The following CARMIL1 variants were observed in gnomAD, a reference collection of about 807,000 sequenced individuals.
The protein encoded by CARMIL1 is capping protein regulator and myosin 1 linker 1, also known as F-actin-uncapping protein LRRC16A.
A neutral mutation model predicts 177.1 loss-of-function variants in CARMIL1; 90 were observed. That is an observed-to-expected ratio of 0.51 (90% CI 0.43 to 0.61). The LOEUF is 0.61. Ranked by LOEUF, CARMIL1 falls within the 20% of genes least tolerant of loss-of-function variation. The pLI is 0.00. For synonymous variants in CARMIL1, 577 were observed against 606.2 expected (o/e 0.95, Z 0.71); for missense variants, 1,380 against 1,667.0 (o/e 0.83, Z 3.00).
chr6:25,336,769 G>C (rs1581606765), intron 2 of CARMIL1, among the ~76,000 whole-genome samples: 1 of 152,138 alleles, frequency 6.6e-6, no homozygotes, highest in Non-Finnish European at 1.5e-5. Context: ...AAACAAAAAA[G>C]TCAGGAAACA....
intron 22 of CARMIL1, among the ~76,000 whole-genome samples, chr6:25,517,760 G>A (rs1294021110): frequency 4.6e-5 from 7 of 151,234 alleles, no homozygotes; most frequent in Non-Finnish European, 1.5e-5. Context: ...ACTAGGTCTT[G>A]TTCTTTTTCC....
intron 5 of CARMIL1, among the ~76,000 whole-genome samples, chr6:25,446,839 T>C (rs552699095): frequency 3.3e-5 from 5 of 152,312 alleles, no homozygotes; most frequent in African/African-American, 1.2e-4. Flanking sequence ...GGGTTATTAA[T>C]TGGCCTAATT....
chr6:25,293,551 T>G (rs1782156737), intron 2 of CARMIL1, among the ~76,000 whole-genome samples: 1 of 151,766 alleles, frequency 6.6e-6, no homozygotes, highest in African/African-American at 2.4e-5. Flanking sequence ...TGCCGAATTT[T>G]TTTTTTTCCT....
intron 2 of CARMIL1, among the ~76,000 whole-genome samples, chr6:25,305,545 G>C (rs1671966263): frequency 1.3e-5 from 2 of 152,176 alleles, no homozygotes; most frequent in Admixed American, 1.3e-4. Flanking sequence ...GCAAGTTGAG[G>C]AGGCAGTTAA....
intron 2 of CARMIL1, among the ~76,000 whole-genome samples, chr6:25,399,747 G>A (rs1194854743): frequency 2.6e-5 from 4 of 152,222 alleles, no homozygotes; most frequent in Admixed American, 6.5e-5. Flanking sequence ...TCCAATTTCA[G>A]TTGCTTTACT....
At chr6:25,347,729 A>G (rs904765140) in intron 2 of CARMIL1, among the ~76,000 whole-genome samples, 14 of 152,250 alleles carry the variant, frequency 9.2e-5, no homozygotes, top group African/African-American at 3.4e-4. Flanking sequence ...TAAATGGATT[A>G]AAACTGAGAA....
chr6:25,615,922 A>G (rs1312442498), intron 36 of CARMIL1, among the ~76,000 whole-genome samples: 1 of 152,200 alleles, frequency 6.6e-6, no homozygotes, highest in Non-Finnish European at 1.5e-5. Flanking sequence ...TATCACATAT[A>G]TGCAATGTCA....
chr6:25,510,721 G>C lies in CARMIL1; in HGVS notation c.1591G>C (p.Val531Leu). ...NNMKSKNLTPVLDNLVQMIQD... is the reference protein window; with the variant it reads ...NNMKSKNLTPLLDNLVQMIQD... The stretch of plus-strand genomic sequence containing the variant: ...AAATCTCTTTAGAAATCTGACACCT[G>C]TATTGGACAACTTAGTACAGATGAT... Residue 531 changes from valine to leucine, a missense_variant, in exon 20 of 37, where the codon GTA becomes CTA. Coordinates refer to ENST00000329474, the MANE Select transcript of CARMIL1 (RefSeq NM_017640.6). 1 of 1,548,906 alleles carries C rather than the reference G, an allele frequency of 6.5e-7. No individual in the cohort carries two copies. The highest frequency in any genetic ancestry group is 8.7e-7 in the Non-Finnish European group (1 of 1,143,076).
chr6:25,317,390 C>G lies in CARMIL1; in HGVS notation c.138+32481C>G, dbSNP rs527395616. 2.0e-5 allele frequency among the ~76,000 whole-genome samples: 3 copies of G among 152,172 alleles called. No individual in the cohort carries two copies. The South Asian group carries it at 6.2e-4, about 32-fold the overall frequency. Reference sequence around the variant, plus strand: ...CAAGCAATCCTTCTGCCTTGACCTCCCAAAGTCTCAAAGTGTTGGGATTAC... The same window carrying G: ...CAAGCAATCCTTCTGCCTTGACCTCGCAAAGTCTCAAAGTGTTGGGATTAC... On this transcript the variant is annotated intron_variant, in intron 2 of 36. Transcript: ENST00000329474.
At chr6:25,579,223 T>C (rs758674788) in intron 29 of CARMIL1, among the ~76,000 whole-genome samples, 26 of 148,622 alleles carry the variant, frequency 1.7e-4, no homozygotes, top group Non-Finnish European at 3.6e-4. Context: ...TTTTTGCCTA[T>C]GAATACACTT....
chr6:25,396,833 T>C (rs993722505), intron 2 of CARMIL1, among the ~76,000 whole-genome samples: 2 of 152,168 alleles, frequency 1.3e-5, no homozygotes. Context: ...CATGCAGAGA[T>C]GCGGAAATGG....
At chr6:25,478,751 G>A (rs1410009480) in intron 11 of CARMIL1, among the ~76,000 whole-genome samples, 2 of 151,718 alleles carry the variant, frequency 1.3e-5, no homozygotes, top group African/African-American at 2.4e-5. Flanking sequence ...AGCCGAGATC[G>A]CGCCTCTGCA....
intron 33 of CARMIL1, 116 bp downstream of exon 33, chr6:25,600,862 C>G: frequency 2.1e-6 from 2 of 939,354 alleles, no homozygotes; most frequent in Non-Finnish European, 3.1e-6. Context: ...ATTTAACTTT[C>G]CTTTATGCTG....
At chr6:25,320,924 A>G (rs1370259111) in intron 2 of CARMIL1, among the ~76,000 whole-genome samples, 5 of 152,224 alleles carry the variant, frequency 3.3e-5, no homozygotes, top group Non-Finnish European at 5.9e-5. Flanking sequence ...AAATCTCATA[A>G]TGTTTAAGAA....
intron 2 of CARMIL1, among the ~76,000 whole-genome samples, chr6:25,349,024 A>C (rs1787834174): frequency 6.6e-6 from 1 of 152,096 alleles, no homozygotes; most frequent in Admixed American, 6.6e-5. Flanking sequence ...CTACTTGGTG[A>C]ATTTAAATTT....
intron 2 of CARMIL1, among the ~76,000 whole-genome samples, chr6:25,359,982 A>G (rs1462826770): frequency 1.3e-5 from 2 of 152,208 alleles, no homozygotes; most frequent in African/African-American, 4.8e-5. Flanking sequence ...GCATGTTAAC[A>G]GAGTAAAAGG....
intron 13 of CARMIL1, among the ~76,000 whole-genome samples, chr6:25,488,790 T>A (rs1802919625): frequency 6.6e-6 from 1 of 152,206 alleles, no homozygotes; most frequent in South Asian, 2.1e-4. Flanking sequence ...CACAATTATT[T>A]TTTTTTCTCA....
intron 5 of CARMIL1, among the ~76,000 whole-genome samples, chr6:25,440,175 G>A (rs934182977): frequency 2.6e-5 from 4 of 152,158 alleles, no homozygotes; most frequent in Non-Finnish European, 5.9e-5. Flanking sequence ...AGAAGACAGT[G>A]GCCCTGCCTT....
At chr6:25,335,307 G>C (rs1786096541) in intron 2 of CARMIL1, among the ~76,000 whole-genome samples, 1 of 152,128 alleles carries the variant, frequency 6.6e-6, no homozygotes, top group African/African-American at 2.4e-5. Flanking sequence ...CTGTTGATTT[G>C]ATTTTGTTAT....
Sources: allele counts gnomAD v4.1 joint callset (sites outside exome capture counted in the v4.1 genomes callset), GRCh38; gene constraint gnomAD v4.1.1; transcripts MANE v1.5; gene names NCBI Gene and HGNC (gene_info 2026-07-23, HGNC 2026-07-21).